Variants in PLXDC2 observed in about 807,000 individuals in gnomAD.
The protein encoded by PLXDC2 is plexin domain containing 2, also known as plexin domain-containing protein 2.
PLXDC2 carries 40 observed loss-of-function variants against 68.9 expected under a neutral mutation model. The observed-to-expected ratio is 0.58, with a 90% CI of 0.45 to 0.76. The LOEUF is 0.76. PLXDC2 is among the 30% of genes least tolerant of loss of function. The pLI is 0.00. For missense variants in PLXDC2, 644 were observed against 661.9 expected (o/e 0.97, Z 0.30); for synonymous variants, 243 against 234.2 (o/e 1.04, Z -0.34).
intron 1 of PLXDC2, among the ~76,000 whole-genome samples, chr10:19,978,107 G>C (rs1343045770): frequency 6.6e-6 from 1 of 152,036 alleles, no homozygotes; most frequent in Admixed American, 6.6e-5. Context: ...TTTTTCTGGA[G>C]GCTAGACTTT....
chr10:20,083,241 C>T (rs553208013), intron 4 of PLXDC2, among the ~76,000 whole-genome samples: 5 of 151,710 alleles, frequency 3.3e-5, no homozygotes, highest in South Asian at 2.1e-4. Context: ...TTTGGGAGGC[C>T]AAGGCGGGTG....
chr10:20,224,383 A>G (rs1835258772), intron 12 of PLXDC2, among the ~76,000 whole-genome samples: 1 of 152,204 alleles, frequency 6.6e-6, no homozygotes, highest in Non-Finnish European at 1.5e-5. Context: ...GGATTTTCAA[A>G]TCCTAGAAGT....
intron 1 of PLXDC2, among the ~76,000 whole-genome samples, chr10:19,835,625 G>T (rs1393852492): frequency 6.6e-6 from 1 of 152,120 alleles, no homozygotes; most frequent in Non-Finnish European, 1.5e-5. Flanking sequence ...AAGAGCAGAG[G>T]GTCAAGGTCA....
intron 13 of PLXDC2, among the ~76,000 whole-genome samples, chr10:20,255,719 T>C (rs1260096482): frequency 6.6e-6 from 1 of 152,034 alleles, no homozygotes; most frequent in Non-Finnish European, 1.5e-5. Context: ...ATGTAAAATT[T>C]TCAGAGACCA....
intron 6 of PLXDC2, among the ~76,000 whole-genome samples, chr10:20,158,524 A>AAAAAAAAAAAAAAAAAAAAG (rs1834247725): frequency 8.0e-6 from 1 of 125,580 alleles, no homozygotes; most frequent in African/African-American, 2.7e-5. Context: ...AAAAAAAAAA[A>AAAAAAAAAAAAAAAAAAAAG]AAATTAAAAA....
At chr10:20,201,477 A>G (rs184629233) in intron 9 of PLXDC2, among the ~76,000 whole-genome samples, 2 of 152,130 alleles carry the variant, frequency 1.3e-5, no homozygotes, top group East Asian at 3.9e-4. Context: ...CTAATGTTCT[A>G]TTTTATATAC....
Position 20,174,962 on chromosome 10 carries a change from A to G in PLXDC2, c.884-2037A>G, listed in dbSNP as rs186710061. On this transcript the variant is annotated intron_variant, in intron 7 of 13. Coordinates refer to ENST00000377252, the MANE Select transcript of PLXDC2 (RefSeq NM_032812.9). Reference sequence around the variant, plus strand: ...CACCACACTCCCTGCTCTATATTTTAGAGGAGGTCATCGTTGGGTGTAATG... The same window carrying G: ...CACCACACTCCCTGCTCTATATTTTGGAGGAGGTCATCGTTGGGTGTAATG... Among the ~76,000 whole-genome samples, 22 of 152,218 alleles carry G rather than the reference A, an allele frequency of 1.4e-4. 1 individual carries two copies. In the East Asian group the frequency reaches 4.3e-3, roughly 30 times the overall value.
intron 4 of PLXDC2, among the ~76,000 whole-genome samples, chr10:20,124,612 C>T (rs11011812): frequency 5.9e-5 from 9 of 151,770 alleles, no homozygotes; most frequent in Admixed American, 1.3e-4. Context: ...TGGGTGCAGG[C>T]GGGCTGAGTC....
chr10:20,238,250 T>C (rs1835460377), intron 12 of PLXDC2, among the ~76,000 whole-genome samples: 1 of 151,538 alleles, frequency 6.6e-6, no homozygotes, highest in African/African-American at 2.4e-5. Context: ...TTCTTTCATC[T>C]TTCCTCCTTC....
intron 1 of PLXDC2, among the ~76,000 whole-genome samples, chr10:19,992,334 A>G (rs1834764109): frequency 6.6e-6 from 1 of 152,196 alleles, no homozygotes; most frequent in African/African-American, 2.4e-5. Context: ...TGGGTTTATG[A>G]TGCAATGTTC....
intron 2 of PLXDC2, among the ~76,000 whole-genome samples, chr10:20,022,329 T>G (rs1835326024): frequency 6.6e-6 from 1 of 152,098 alleles, no homozygotes; most frequent in Non-Finnish European, 1.5e-5. Context: ...TAGATAGAAA[T>G]AAAGTAAACA....
At position 20,282,453 on chromosome 10, in the gene PLXDC2, A is replaced by G. The variant is rs557863420; in HGVS notation, c.*2634A>G. ...TATGAACATAATAGAATAACAAAAA[A>G]AGATAACAAAGAGATGCAAACTTCT... On this transcript the variant is annotated 3_prime_UTR_variant, in exon 14 of 14. Transcript: ENST00000377252. The G allele has an allele frequency of 4.6e-5, 7 of 152,344 alleles. No homozygotes were observed. The East Asian group carries it at 9.6e-4, about 21-fold the overall frequency. The allele number at this position is 152,344 out of a possible 1,614,324, so 9.4% of individuals were successfully genotyped here. A position where few individuals can be genotyped will look rare whatever the true frequency, so the allele number is the denominator to read the frequency against.
chr10:19,841,333 T>C (rs1836900649), intron 1 of PLXDC2, among the ~76,000 whole-genome samples: 1 of 152,202 alleles, frequency 6.6e-6, no homozygotes, highest in Non-Finnish European at 1.5e-5. Flanking sequence ...GTGTGTCTTT[T>C]GGTTTTCTAC....
intron 12 of PLXDC2, among the ~76,000 whole-genome samples, chr10:20,235,289 A>T (rs1403504505): frequency 6.6e-6 from 1 of 152,198 alleles, no homozygotes; most frequent in African/African-American, 2.4e-5. Flanking sequence ...AAGTCCTCTC[A>T]TTGCCCTCTG....
chr10:19,861,607 T>C (rs1837321016), intron 1 of PLXDC2, among the ~76,000 whole-genome samples: 1 of 152,146 alleles, frequency 6.6e-6, no homozygotes, highest in Non-Finnish European at 1.5e-5. Context: ...TACTATCCTC[T>C]CTCATATATA....
rs376887993 is a variant in PLXDC2, at chr10:20,250,662, A to G, written c.1473+5157A>G. Among the ~76,000 whole-genome samples the G allele has an allele frequency of 3.9e-5, 6 of 152,336 alleles. No homozygotes were observed. In the South Asian group the frequency reaches 8.3e-4, roughly 21 times the overall value. ...ACCAGGCTGTGCTGCCTCTGTATGTATAAAGAGTTTTTCTTCATATGCTGT... is the reference window on the plus strand; with the variant it reads ...ACCAGGCTGTGCTGCCTCTGTATGTGTAAAGAGTTTTTCTTCATATGCTGT... On this transcript the variant is annotated intron_variant, in intron 13 of 13. Coordinates refer to ENST00000377252, the MANE Select transcript of PLXDC2 (RefSeq NM_032812.9).
chr10:20,187,084 A>G (rs1002429713), intron 9 of PLXDC2, among the ~76,000 whole-genome samples: 2 of 151,854 alleles, frequency 1.3e-5, no homozygotes, highest in African/African-American at 4.8e-5. Context: ...TCAAAAAAAA[A>G]TCCCAAGAAT....
At chr10:20,029,428 G>A (rs1835461565) in intron 2 of PLXDC2, among the ~76,000 whole-genome samples, 1 of 152,028 alleles carries the variant, frequency 6.6e-6, no homozygotes, top group South Asian at 2.1e-4. Context: ...TAGGCGATTT[G>A]ACGGCATCTT....
At chr10:19,825,798 C>T (rs756092048) in intron 1 of PLXDC2, among the ~76,000 whole-genome samples, 2 of 152,124 alleles carry the variant, frequency 1.3e-5, no homozygotes, top group Non-Finnish European at 2.9e-5. Context: ...TGAATTCTTT[C>T]CAACATACAA....
Sources: allele counts gnomAD v4.1 joint callset (sites outside exome capture counted in the v4.1 genomes callset), GRCh38; gene constraint gnomAD v4.1.1; transcripts MANE v1.5; gene names NCBI Gene and HGNC (gene_info 2026-07-23, HGNC 2026-07-21).